MTCL1: variants seen among roughly 807,000 people sequenced by gnomAD.
MTCL1 encodes the protein microtubule cross-linking factor 1.
MTCL1 carries 79 observed loss-of-function variants against 141.4 expected under a neutral mutation model. That is an observed-to-expected ratio of 0.56 (90% confidence interval 0.47 to 0.67). The LOEUF (loss-of-function observed/expected upper bound fraction) is 0.67. Ranked by LOEUF, MTCL1 falls within the 30% of genes least tolerant of loss-of-function variation. The pLI, the probability that MTCL1 is intolerant of heterozygous loss-of-function variation, is 0.00. For missense variants in MTCL1, 2,177 were observed against 2,113.9 expected (o/e 1.03, Z -0.59); for synonymous variants, 914 against 875.8 (o/e 1.04, Z -0.77).
chr18:8,806,654 T>C (rs1303332568), intron 10 of MTCL1, among the ~76,000 whole-genome samples: 1 of 152,102 alleles, frequency 6.6e-6, no homozygotes, highest in Non-Finnish European at 1.5e-5. Flanking sequence ...GCAGCCTTCC[T>C]TCTACCCTCC....
rs146527672 is a variant in MTCL1, at chr18:8,789,789, A to C, written c.1888-3209A>C. 2.1e-3 allele frequency: 1,771 copies of C among 839,544 alleles called. 26 individuals are homozygous for C. The African/African-American group carries it at 0.031, about 14-fold the overall frequency. The allele number at this position is 839,544 out of a possible 1,614,324, so 52.0% of individuals were successfully genotyped here. A position where few individuals can be genotyped will look rare whatever the true frequency, so the allele number is the denominator to read the frequency against. ...TGGGGATTGGGTGGTAAAGGGAAAT[A>C]TTTATTTTTTTAGAAGACATTTATG... is the stretch of plus-strand genomic sequence containing the variant. On this transcript the variant is annotated intron_variant, in intron 7 of 16. Coordinates refer to ENST00000359865, the Ensembl canonical transcript of MTCL1.
At chr18:8,764,730 A>G (rs1266448114) in intron 4 of MTCL1, among the ~76,000 whole-genome samples, 1 of 151,978 alleles carries the variant, frequency 6.6e-6, no homozygotes, top group Non-Finnish European at 1.5e-5. Flanking sequence ...CCTTTTACCC[A>G]CGTAGCCTGG....
intron 4 of MTCL1, among the ~76,000 whole-genome samples, chr18:8,725,305 G>C (rs1414137091): frequency 6.6e-6 from 1 of 152,138 alleles, no homozygotes; most frequent in Non-Finnish European, 1.5e-5. Flanking sequence ...AAATGACATA[G>C]ATTCCCTGGG....
chr18:8,802,281 A>G (rs1483374374), intron 10 of MTCL1: 5 of 152,242 alleles, frequency 3.3e-5, no homozygotes, highest in African/African-American at 1.2e-4. Context: ...AGGAGCCTGA[A>G]TAAACGTGGA....
chr18:8,719,678 T>C (rs1345584666), intron 3 of MTCL1, among the ~76,000 whole-genome samples: 1 of 152,198 alleles, frequency 6.6e-6, no homozygotes, highest in Non-Finnish European at 1.5e-5. Context: ...CCCTCCCATC[T>C]TCACCTCTCA....
At chr18:8,712,877 T>C (rs972437566), upstream of MTCL1, among the ~76,000 whole-genome samples, 5 of 152,216 alleles carry the variant, frequency 3.3e-5, no homozygotes, top group Non-Finnish European at 7.3e-5. Context: ...CCTTCTACCA[T>C]CCAAACTGGG....
At chr18:8,789,737 AAAG>A (rs1201455132) in intron 7 of MTCL1, 1 of 984,498 alleles carries the variant, frequency 1.0e-6, no homozygotes, top group Non-Finnish European at 1.2e-6. Context: ...GTGAACAAAA[AAAG>A]GGTTTTTTTT....
At chr18:8,709,168 TATTTTC>T (rs2096073427) in intron 1 of MTCL1, among the ~76,000 whole-genome samples, 1 of 151,216 alleles carries the variant, frequency 6.6e-6, no homozygotes, top group South Asian at 2.1e-4. Flanking sequence ...CTCTTTTTGT[TATTTTC>T]AGGGGTATTT....
chr18:8,767,713 G>A (rs1211073714), intron 4 of MTCL1, among the ~76,000 whole-genome samples: 1 of 151,416 alleles, frequency 6.6e-6, no homozygotes, highest in Non-Finnish European at 1.5e-5. Flanking sequence ...CATTACGCTA[G>A]GTCAATTCCA....
intron 5 of MTCL1, among the ~76,000 whole-genome samples, 172 bp from the exon 5 acceptor site, chr18:8,783,358 G>T (rs975335651): frequency 1.3e-5 from 2 of 152,050 alleles, no homozygotes; most frequent in Admixed American, 6.5e-5. Context: ...AAGCCCCTGG[G>T]CCCACCTCTG....
At position 8,779,912 on chromosome 18, in the gene MTCL1, T is replaced by C. The variant is rs1017041652; in HGVS notation, c.417+2020T>C. On this transcript the variant is annotated intron_variant, in intron 5 of 16. Transcript: ENST00000359865. The surrounding 1 kb of genome is among the most constrained non-coding windows in gnomAD (Gnocchi z 4.1). Reference sequence around the variant, plus strand: ...CTGCTTTAACTGACCTGGGTTTAGGTTCATGGAGACGGAGGAGAATTGTTC... The same window carrying C: ...CTGCTTTAACTGACCTGGGTTTAGGCTCATGGAGACGGAGGAGAATTGTTC... Among the ~76,000 whole-genome samples the C allele has an allele frequency of 6.6e-6, 1 of 152,110 alleles. No homozygotes were observed. Among genetic ancestry groups the C allele is most frequent in the Non-Finnish European group, 1.5e-5 (1 of 68,016 alleles).
chr18:8,814,369 T>G (rs928811725), intron 12 of MTCL1, among the ~76,000 whole-genome samples: 12 of 152,052 alleles, frequency 7.9e-5, no homozygotes, highest in African/African-American at 2.9e-4. Context: ...GAAAGTACAC[T>G]GCAGATAGAA....
intron 7 of MTCL1, chr18:8,786,377 G>A (rs541505749): frequency 3.1e-6 from 2 of 649,372 alleles, no homozygotes; most frequent in Non-Finnish European, 5.7e-6. Context: ...GAAGTAGGCT[G>A]ATTGGTGAGT....
chr18:8,736,293 C>T (rs775351467), intron 4 of MTCL1, among the ~76,000 whole-genome samples: 2 of 151,428 alleles, frequency 1.3e-5, no homozygotes, highest in African/African-American at 2.4e-5. Flanking sequence ...TGTAGATGCT[C>T]CTTGACTTAT....
chr18:8,755,371 A>G (rs78290897), intron 4 of MTCL1, among the ~76,000 whole-genome samples: 2,622 of 152,244 alleles, frequency 0.017, 45 homozygotes, highest in South Asian at 0.064. Context: ...TTTCTCCTCA[A>G]CAGGTTGGAG....
chr18:8,706,743 G>A (rs1164867776), intron 1 of MTCL1, 30 bp downstream of exon 1: 1 of 1,541,946 alleles, frequency 6.5e-7, no homozygotes, highest in African/African-American at 1.4e-5. Context: ...CAGGTGTCCC[G>A]GGGCGCCCCC....
At chr18:8,825,613 G>C in exon 15 of MTCL1, 1 of 1,613,922 alleles carries the variant, frequency 6.2e-7, no homozygotes, top group South Asian at 1.1e-5. Context: ...CTTAGGAGCA[G>C]ACAGGTGGCC....
chr18:8,748,878 T>TC (rs2096355763), intron 4 of MTCL1, among the ~76,000 whole-genome samples: 1 of 152,130 alleles, frequency 6.6e-6, no homozygotes, highest in Non-Finnish European at 1.5e-5. Context: ...GTTCAGGTGA[T>TC]CACAGCTCCT....
rs942792638 is a variant in MTCL1, at chr18:8,822,679, G to A, written c.3188+1181G>A. On this transcript the variant is annotated intron_variant, in intron 14 of 16. Transcript: ENST00000359865. This position sits in a 1 kb window ranked among gnomAD's most constrained non-coding sequence, Gnocchi z 4.6. ...CAGTTTCCTCATCTGTATACAGGAC[G>A]TATTTTGATTATCTTTTTTTTTTGC... Among the ~76,000 whole-genome samples the A allele has an allele frequency of 7.9e-5, 12 of 152,124 alleles. No homozygotes were observed. The highest frequency in any genetic ancestry group is 1.9e-4 in the African/African-American group (8 of 41,482).
Sources: gnomAD v4.1 joint callset for allele counts (sites outside exome capture counted in the v4.1 genomes callset) on GRCh38, gnomAD v4.1.1 for gene constraint, Gnocchi (gnomAD v3.1) non-coding constraint, MANE v1.5 for transcripts, NCBI Gene and HGNC (gene_info 2026-07-23, HGNC 2026-07-21) for gene names.